CCDC33: variants seen among roughly 807,000 people sequenced by gnomAD.
CCDC33 encodes the protein coiled-coil domain containing 33.
Under a neutral mutation model 91.9 loss-of-function variants are expected in CCDC33, and 94 were observed. The ratio of observed to expected loss-of-function variants is 1.02; its 90% CI spans 0.87 to 1.21. The LOEUF is 1.21. CCDC33 is among the 50% of genes most tolerant of loss of function. The pLI, the probability that CCDC33 is intolerant of heterozygous loss-of-function variation, is 0.00. For synonymous variants in CCDC33, 396 were observed against 374.5 expected (o/e 1.06, Z -0.66); for missense variants, 940 against 935.5 (o/e 1.00, Z -0.06).
chr15:74,235,156 G>A (rs997079165), upstream of CCDC33, among the ~76,000 whole-genome samples: 1 of 152,204 alleles, frequency 6.6e-6, no homozygotes, highest in East Asian at 1.9e-4. Flanking sequence ...CAGCCCCAGA[G>A]CCCCAGGAGT....
At chr15:74,274,766 C>CTGG (rs1425683271) in intron 7 of CCDC33, among the ~76,000 whole-genome samples, 1 of 152,238 alleles carries the variant, frequency 6.6e-6, no homozygotes, top group Non-Finnish European at 1.5e-5. Context: ...GCCTTTGCTG[C>CTGG]CTAACTAGTC....
At chr15:74,280,226 G>A in intron 8 of CCDC33, 134 bp downstream of exon 8, 1 of 1,047,300 alleles carries the variant, frequency 9.5e-7, no homozygotes, top group Non-Finnish European at 1.4e-6. Context: ...GCTTCCTAAT[G>A]CAGGCAGAGG....
intron 3 of CCDC33, among the ~76,000 whole-genome samples, chr15:74,265,141 G>A (rs929828102): frequency 1.3e-5 from 2 of 152,018 alleles, no homozygotes. Flanking sequence ...ACATCCAAAT[G>A]ACCCATCCAG....
intron 2 of CCDC33, among the ~76,000 whole-genome samples, chr15:74,262,116 G>T (rs2076039549): frequency 2.0e-5 from 3 of 152,138 alleles, no homozygotes; most frequent in Admixed American, 2.0e-4. Flanking sequence ...CTGCTGGAGA[G>T]CCCTCCCTGG....
downstream of CCDC33, chr15:74,336,309 G>GGAGAGAAGAGGCCTTC: frequency 7.1e-7 from 1 of 1,399,454 alleles, no homozygotes; most frequent in East Asian, 3.5e-5. Flanking sequence ...CCAGGAGGGT[G>GGAGAGAAGAGGCCTTC]GAGAGAAGAG....
At chr15:74,217,400 C>T (rs1417746010) in exon 1 of CCDC33, 9 of 1,289,658 alleles carry the variant, frequency 7.0e-6, no homozygotes, top group East Asian at 5.5e-5. Context: ...CGGGTAGATA[C>T]GCCCTGAGAC....
chr15:74,329,395 C>T (rs2060379268), intron 11 of CCDC33, among the ~76,000 whole-genome samples: 1 of 152,174 alleles, frequency 6.6e-6, no homozygotes, highest in Non-Finnish European at 1.5e-5. Context: ...TGTAACTGAG[C>T]AAGTTACTCA....
At position 74,329,933 on chromosome 15, in the gene CCDC33, CCT is replaced by C. The variant is rs1277702294; in HGVS notation, c.1291-255_1291-254del. ...CCTGTGTCCACACCTGGGGTTTCCC[CCT>C]GAGTTGGTATCACAGGACGTGATGT... On this transcript the variant is annotated intron_variant, in intron 11 of 18. Coordinates refer to ENST00000398814, the MANE Select transcript of CCDC33 (RefSeq NM_025055.5). Among the ~76,000 whole-genome samples, 10 of 152,320 alleles carry C rather than the reference CCT, an allele frequency of 6.6e-5. No homozygotes were observed. In the East Asian group the frequency reaches 1.9e-3, roughly 29 times the overall value.
chr15:74,280,107 G>T lies in CCDC33; in HGVS notation c.889+15G>T. 1 of 1,613,698 alleles carries T rather than the reference G, an allele frequency of 6.2e-7. No homozygotes were observed. Among genetic ancestry groups the T allele is most frequent in the Non-Finnish European group, 8.5e-7 (1 of 1,179,814 alleles). ...CTCAACTTCAAGTACGTGACCCCTGGTGCCTCGCCAGGGCAGCCATGCCTC... is the reference window on the plus strand; with the variant it reads ...CTCAACTTCAAGTACGTGACCCCTGTTGCCTCGCCAGGGCAGCCATGCCTC... On this transcript the variant is annotated intron_variant, in intron 8 of 18. Transcript: ENST00000398814.
chr15:74,262,636 G>A, intron 3 of CCDC33, 63 bp downstream of exon 3: 2 of 1,540,724 alleles, frequency 1.3e-6, no homozygotes, highest in Non-Finnish European at 1.8e-6. Context: ...CAAGGACTTA[G>A]AGCAAGAAGC....
intron 2 of CCDC33, among the ~76,000 whole-genome samples, chr15:74,259,239 A>G (rs553171992): frequency 2.4e-4 from 37 of 151,934 alleles, no homozygotes; most frequent in African/African-American, 8.4e-4. Flanking sequence ...CAGCCTGTGG[A>G]GAGGCCTAGG....
intron 11 of CCDC33, among the ~76,000 whole-genome samples, chr15:74,327,936 T>C (rs1370539562): frequency 6.6e-6 from 1 of 152,234 alleles, no homozygotes; most frequent in African/African-American, 2.4e-5. Flanking sequence ...CAGCCTGTGG[T>C]GCAGAGACTG....
intron 11 of CCDC33, among the ~76,000 whole-genome samples, chr15:74,309,741 A>C (rs2059957056): frequency 6.6e-6 from 1 of 152,064 alleles, no homozygotes; most frequent in African/African-American, 2.4e-5. Flanking sequence ...TCCTTCAGGG[A>C]ATCTATTTAT....
chr15:74,326,645 G>A (rs896688317), intron 11 of CCDC33, among the ~76,000 whole-genome samples: 1 of 152,244 alleles, frequency 6.6e-6, no homozygotes, highest in Non-Finnish European at 1.5e-5. Context: ...TGGGGAAAGC[G>A]CAGTGTCAAT....
At position 74,316,123 on chromosome 15, in the gene CCDC33, G is replaced by A. The variant is rs949609019; in HGVS notation, c.1291-14066G>A. ...AAGGGGCAGGGGTGGGGGCTCTTGA[G>A]CACCCGTTTTATAGATGAAATGCCT... is the stretch of plus-strand genomic sequence containing the variant. On this transcript the variant is annotated intron_variant, in intron 11 of 18. Coordinates refer to ENST00000398814, the MANE Select transcript of CCDC33 (RefSeq NM_025055.5). The surrounding 1 kb of genome is among the most constrained non-coding windows in gnomAD (Gnocchi z 4.7). 1.3e-5 allele frequency among the ~76,000 whole-genome samples: 2 copies of A among 152,166 alleles called. No homozygotes were observed. Among genetic ancestry groups the A allele is most frequent in the African/African-American group, 4.8e-5 (2 of 41,440 alleles).
chr15:74,284,580 A>G (rs1596027295), intron 10 of CCDC33, among the ~76,000 whole-genome samples: 1 of 152,190 alleles, frequency 6.6e-6, no homozygotes, highest in Non-Finnish European at 1.5e-5. Flanking sequence ...TACACTGAAG[A>G]AGAAGAAGAA....
At chr15:74,214,159 A>G (rs2074393336), upstream of CCDC33, among the ~76,000 whole-genome samples, 1 of 151,890 alleles carries the variant, frequency 6.6e-6, no homozygotes, top group African/African-American at 2.4e-5. Flanking sequence ...GAAAGGAGCC[A>G]TTGTGGGAAG....
At chr15:74,306,776 G>C (rs1048991481) in intron 11 of CCDC33, among the ~76,000 whole-genome samples, 13 of 152,214 alleles carry the variant, frequency 8.5e-5, no homozygotes, top group African/African-American at 2.9e-4. Flanking sequence ...CAGAAGATCA[G>C]GCTCAGAGGA....
At chr15:74,236,032 G>C (rs962121372), upstream of CCDC33, among the ~76,000 whole-genome samples, 4 of 152,216 alleles carry the variant, frequency 2.6e-5, no homozygotes, top group Non-Finnish European at 5.9e-5. Context: ...AGAAGTAGCT[G>C]TTTTACCGAT....
Sources: gnomAD v4.1 joint callset for allele counts (sites outside exome capture counted in the v4.1 genomes callset) on GRCh38, gnomAD v4.1.1 for gene constraint, Gnocchi (gnomAD v3.1) non-coding constraint, MANE v1.5 for transcripts, NCBI Gene and HGNC (gene_info 2026-07-23, HGNC 2026-07-21) for gene names.